Variants in EDIL3 observed in about 807,000 individuals in gnomAD.
The protein encoded by EDIL3 is EGF-like repeat and discoidin I-like domain-containing protein 3.
In EDIL3, 37 loss-of-function variants were observed where a neutral mutation model predicts 67.4. The ratio of observed to expected loss-of-function variants is 0.55; its 90% confidence interval spans 0.42 to 0.72. The LOEUF (loss-of-function observed/expected upper bound fraction) is 0.72. Ranked by LOEUF, EDIL3 falls within the 30% of genes least tolerant of loss-of-function variation. The pLI is 0.00. For synonymous variants in EDIL3, 195 were observed against 196.3 expected (o/e 0.99, Z 0.05); for missense variants, 527 against 586.3 (o/e 0.90, Z 1.04).
At chr5:84,161,874 T>C (rs1291272840) in intron 4 of EDIL3, among the ~76,000 whole-genome samples, 1 of 152,174 alleles carries the variant, frequency 6.6e-6, no homozygotes, top group Non-Finnish European at 1.5e-5. Context: ...CCTATCTTTC[T>C]AACAATGTGG....
intron 4 of EDIL3, among the ~76,000 whole-genome samples, chr5:84,139,889 G>C (rs1748159405): frequency 6.6e-6 from 1 of 152,170 alleles, no homozygotes; most frequent in South Asian, 2.1e-4. Context: ...GAAGAAGAAT[G>C]TTCATGATAT....
chr5:84,069,728 C>T (rs1484409648), intron 6 of EDIL3, among the ~76,000 whole-genome samples: 4 of 152,012 alleles, frequency 2.6e-5, no homozygotes, highest in Middle Eastern at 3.2e-3. Flanking sequence ...GGGACCCTGG[C>T]GAGCGTTCCA....
chr5:83,947,091 G>A (rs1022222212), intron 10 of EDIL3, among the ~76,000 whole-genome samples: 2 of 151,478 alleles, frequency 1.3e-5, no homozygotes, highest in African/African-American at 2.4e-5. Context: ...CATCCCTCTG[G>A]GTTTTTGTTG....
intron 1 of EDIL3, among the ~76,000 whole-genome samples, chr5:84,282,347 T>C (rs888737685): frequency 6.6e-6 from 1 of 152,192 alleles, no homozygotes; most frequent in Non-Finnish European, 1.5e-5. Flanking sequence ...TACTTTACTC[T>C]CTAAATTTTA....
chr5:84,241,197 T>A (rs3822634), intron 2 of EDIL3, among the ~76,000 whole-genome samples: 1 of 152,060 alleles, frequency 6.6e-6, no homozygotes, highest in African/African-American at 2.4e-5. Context: ...AAAGGCAGAG[T>A]CTTTATCATC....
At chr5:84,120,838 C>G (rs1747762756) in intron 5 of EDIL3, among the ~76,000 whole-genome samples, 1 of 151,852 alleles carries the variant, frequency 6.6e-6, no homozygotes, top group East Asian at 1.9e-4. Flanking sequence ...CACTCTGAAG[C>G]CTGTTGGGGT....
At chr5:84,281,637 C>T (rs903593386) in intron 1 of EDIL3, among the ~76,000 whole-genome samples, 3 of 152,164 alleles carry the variant, frequency 2.0e-5, no homozygotes, top group Non-Finnish European at 4.4e-5. Context: ...TGTGTATACT[C>T]TTGACTCCAG....
intron 6 of EDIL3, among the ~76,000 whole-genome samples, chr5:84,077,192 C>T (rs528796421): frequency 8.0e-4 from 122 of 152,326 alleles, no homozygotes; most frequent in Middle Eastern, 6.8e-3. Flanking sequence ...CAGTTTTACT[C>T]ACCACTGTTT....
intron 5 of EDIL3, among the ~76,000 whole-genome samples, chr5:84,131,931 A>C (rs1747973317): frequency 6.6e-6 from 1 of 152,036 alleles, no homozygotes; most frequent in Non-Finnish European, 1.5e-5. Context: ...ACACATTGAT[A>C]TCAAAAGAAA....
intron 6 of EDIL3, among the ~76,000 whole-genome samples, chr5:84,067,414 A>G (rs914191595): frequency 6.6e-6 from 1 of 152,194 alleles, no homozygotes; most frequent in Admixed American, 6.5e-5. Context: ...TTATTCATAT[A>G]TAGTAAACAT....
At chr5:84,244,850 G>A (rs1448580422) in intron 2 of EDIL3, among the ~76,000 whole-genome samples, 2 of 152,124 alleles carry the variant, frequency 1.3e-5, no homozygotes, top group Non-Finnish European at 2.9e-5. Context: ...CATGAGCTCC[G>A]CCTCCCGTCA....
At chr5:84,345,433 C>G (rs918533441) in intron 1 of EDIL3, among the ~76,000 whole-genome samples, 1 of 152,056 alleles carries the variant, frequency 6.6e-6, no homozygotes, top group Non-Finnish European at 1.5e-5. Flanking sequence ...AATCTAAAAG[C>G]TATGACTTAG....
At chr5:84,189,262 G>A (rs1294853870) in intron 3 of EDIL3, among the ~76,000 whole-genome samples, 1 of 151,884 alleles carries the variant, frequency 6.6e-6, no homozygotes, top group East Asian at 1.9e-4. Context: ...GGACATCAAG[G>A]AGAGCCTAGC....
Position 84,180,512 on chromosome 5 carries a change from G to A in EDIL3, c.236C>T (p.Thr79Ile), listed in dbSNP as rs747227263. Residue 79 changes from threonine to isoleucine, a missense_variant, in exon 4 of 11, where the codon ACT (threonine) becomes ATT (isoleucine). By Grantham distance (89) the Thr-to-Ile change is moderately conservative (BLOSUM62 -1). Coordinates refer to ENST00000296591, the MANE Select transcript of EDIL3 (RefSeq NM_005711.5). ...EEEPTSAGPC[T>I]PNPCHNGGTC... ...TCCTCCATTATGGCATGGATTAGGA[G>A]TGCAGGGACCTGAAAGACAGAAAAA... The A allele has an allele frequency of 6.3e-7, 1 of 1,585,224 alleles. No homozygotes were observed. The highest frequency in any genetic ancestry group is 1.7e-4 in the Middle Eastern group (1 of 5,948).
At chr5:84,141,960 T>C (rs891597966) in intron 4 of EDIL3, among the ~76,000 whole-genome samples, 1 of 134,886 alleles carries the variant, frequency 7.4e-6, no homozygotes, top group African/African-American at 2.9e-5. Context: ...TAGATCTATC[T>C]ATCTATCTAT....
At chr5:83,949,887 G>T (rs1744387328) in intron 10 of EDIL3, among the ~76,000 whole-genome samples, 1 of 151,822 alleles carries the variant, frequency 6.6e-6, no homozygotes, top group African/African-American at 2.4e-5. Flanking sequence ...GGGGCTCTGG[G>T]CCACACCAGA....
At chr5:84,327,496 T>C (rs1413944062) in intron 1 of EDIL3, among the ~76,000 whole-genome samples, 1 of 152,024 alleles carries the variant, frequency 6.6e-6, no homozygotes. Context: ...TATATAGTGA[T>C]TTTACTATGT....
At chr5:84,142,134 T>C (rs530957484) in intron 4 of EDIL3, among the ~76,000 whole-genome samples, 2 of 151,588 alleles carry the variant, frequency 1.3e-5, no homozygotes, top group African/African-American at 2.4e-5. Context: ...CAAAAGCCCA[T>C]GAAATTGACT....
intron 4 of EDIL3, among the ~76,000 whole-genome samples, chr5:84,156,677 TTATCAC>T (rs1418062427): frequency 1.1e-4 from 16 of 152,118 alleles, no homozygotes; most frequent in African/African-American, 3.4e-4. Context: ...AAACAACCTC[TTATCAC>T]TATCACTATC....
Sources: gnomAD v4.1 joint callset for allele counts (sites outside exome capture counted in the v4.1 genomes callset) on GRCh38, gnomAD v4.1.1 for gene constraint, MANE v1.5 for transcripts, NCBI Gene and HGNC (gene_info 2026-07-23, HGNC 2026-07-21) for gene names.